ATRN: variants seen among roughly 807,000 people sequenced by gnomAD.
The protein encoded by ATRN is attractin-2.
ATRN carries 54 observed loss-of-function variants against 178.7 expected under a neutral mutation model. That is an observed-to-expected ratio of 0.30 (90% CI 0.24 to 0.38). ATRN has a LOEUF of 0.38. Ranked by LOEUF, ATRN falls within the 10% of genes least tolerant of loss-of-function variation. The pLI is 1.00. For missense variants in ATRN, 1,443 were observed against 1,815.1 expected, an observed-to-expected ratio of 0.79 and a Z score of 3.73; for synonymous variants, 636 against 663.0, an observed-to-expected ratio of 0.96 and a Z score of 0.63.
intron 6 of ATRN, among the ~76,000 whole-genome samples, chr20:3,555,148 C>G (rs2670304): frequency 6.6e-6 from 1 of 151,852 alleles, no homozygotes; most frequent in African/African-American, 2.4e-5. Context: ...ACTACAGGCG[C>G]CCGCCACCTC....
At chr20:3,573,551 G>C (rs1201568821) in intron 12 of ATRN, among the ~76,000 whole-genome samples, 1 of 151,964 alleles carries the variant, frequency 6.6e-6, no homozygotes, top group Non-Finnish European at 1.5e-5. Flanking sequence ...TTTTTGTCTA[G>C]CGTCTCTAGT....
intron 14 of ATRN, among the ~76,000 whole-genome samples, chr20:3,577,250 A>G (rs1039373891): frequency 1.3e-5 from 2 of 152,182 alleles, no homozygotes; most frequent in Non-Finnish European, 2.9e-5. Flanking sequence ...TTGGTTCTGT[A>G]TCACTGAGCC....
At chr20:3,611,110 T>C (rs770257778) in intron 24 of ATRN, among the ~76,000 whole-genome samples, 1 of 152,118 alleles carries the variant, frequency 6.6e-6, no homozygotes, top group Non-Finnish European at 1.5e-5. Context: ...GGAGAAAATC[T>C]TTGAATCCCA....
At position 3,607,465 on chromosome 20, in the gene ATRN, G is replaced by A. The variant is rs1219682362; in HGVS notation, c.3801+3203G>A. 3.4e-5 allele frequency among the ~76,000 whole-genome samples: 5 copies of A among 146,684 alleles called. 1 individual carries two copies. The highest frequency in any genetic ancestry group is 6.2e-5 in the Non-Finnish European group (4 of 64,694). ...TTTTTTAGCTCCCACATCTGAGTGAGAAAACATATCTATCTTTCTGTGCCT... is the reference window on the plus strand; with the variant it reads ...TTTTTTAGCTCCCACATCTGAGTGAAAAAACATATCTATCTTTCTGTGCCT... On this transcript the variant is annotated intron_variant, in intron 24 of 28. Coordinates refer to ENST00000262919, the MANE Select transcript of ATRN (RefSeq NM_139321.3).
At chr20:3,497,953 A>T (rs1388375753) in intron 1 of ATRN, among the ~76,000 whole-genome samples, 2 of 152,072 alleles carry the variant, frequency 1.3e-5, no homozygotes, top group East Asian at 4.0e-4. Context: ...ACTAATAAAG[A>T]AAAAAAGAAG....
At chr20:3,575,073 C>T (rs916152411) in intron 12 of ATRN, among the ~76,000 whole-genome samples, 3 of 152,006 alleles carry the variant, frequency 2.0e-5, no homozygotes, top group African/African-American at 7.3e-5. Flanking sequence ...AAGCAGTTCT[C>T]CTGCCTCAGC....
At chr20:3,508,024 A>G (rs938172464) in intron 1 of ATRN, among the ~76,000 whole-genome samples, 29 of 151,870 alleles carry the variant, frequency 1.9e-4, no homozygotes, top group Non-Finnish European at 7.4e-5. Context: ...TCTTAAAGCA[A>G]CCAGTGGATT....
intron 1 of ATRN, among the ~76,000 whole-genome samples, chr20:3,480,826 T>G (rs1179991731): frequency 1.3e-5 from 2 of 152,222 alleles, no homozygotes; most frequent in Non-Finnish European, 2.9e-5. Context: ...TTAATACATT[T>G]GTAGGTTATT....
intron 1 of ATRN, among the ~76,000 whole-genome samples, chr20:3,512,143 C>T (rs1234005836): frequency 7.5e-6 from 1 of 132,780 alleles, no homozygotes; most frequent in East Asian, 2.1e-4. Context: ...TTCTAGGGTA[C>T]ATGTGCACAA....
At chr20:3,624,166 G>A (rs1181467765) in intron 24 of ATRN, among the ~76,000 whole-genome samples, 1 of 152,210 alleles carries the variant, frequency 6.6e-6, no homozygotes, top group Non-Finnish European at 1.5e-5. Context: ...TTGGTACTGA[G>A]GCAAACAAGG....
intron 24 of ATRN, among the ~76,000 whole-genome samples, chr20:3,614,477 G>A (rs990399557): frequency 1.3e-5 from 2 of 152,198 alleles, no homozygotes; most frequent in Non-Finnish European, 2.9e-5. Flanking sequence ...TAAGAGGCCA[G>A]TGTTCACAAG....
intron 1 of ATRN, among the ~76,000 whole-genome samples, chr20:3,519,983 C>T (rs2085268205): frequency 6.6e-6 from 1 of 152,112 alleles, no homozygotes; most frequent in South Asian, 2.1e-4. Flanking sequence ...CTCAAGTATC[C>T]TATTTGAGGC....
chr20:3,539,667 A>G (rs771700705), intron 2 of ATRN, among the ~76,000 whole-genome samples: 17 of 152,064 alleles, frequency 1.1e-4, no homozygotes, highest in Non-Finnish European at 1.8e-4. Context: ...AGCAGAGACC[A>G]TTGCTGGAAC....
At chr20:3,609,259 T>C (rs1270380319) in intron 24 of ATRN, among the ~76,000 whole-genome samples, 1 of 152,228 alleles carries the variant, frequency 6.6e-6, no homozygotes, top group Non-Finnish European at 1.5e-5. Context: ...GTTAGATTTA[T>C]TCCTACGGTT....
intron 1 of ATRN, among the ~76,000 whole-genome samples, chr20:3,533,531 C>T (rs2146176259): frequency 6.6e-6 from 1 of 152,204 alleles, no homozygotes; most frequent in East Asian, 1.9e-4. Context: ...TTTTCTTTTC[C>T]TCCTTCCTGC....
chr20:3,568,775 A>G (rs1387763046), intron 11 of ATRN, among the ~76,000 whole-genome samples: 1 of 152,202 alleles, frequency 6.6e-6, no homozygotes, highest in Non-Finnish European at 1.5e-5. Flanking sequence ...ACTTTAACTC[A>G]TGCCTGAACA....
At chr20:3,581,691 G>A (rs137957061) in intron 15 of ATRN, among the ~76,000 whole-genome samples, 1 of 152,156 alleles carries the variant, frequency 6.6e-6, no homozygotes, top group South Asian at 2.1e-4. Flanking sequence ...GGGATACTCA[G>A]CCTGTGTTTG....
At chr20:3,555,914 G>A (rs925662372) in intron 6 of ATRN, among the ~76,000 whole-genome samples, 3 of 152,186 alleles carry the variant, frequency 2.0e-5, no homozygotes, top group African/African-American at 7.2e-5. Context: ...TGGAGGAAAA[G>A]CAGCTTCAAG....
At chr20:3,547,653 C>T (rs1272145271) in intron 5 of ATRN, among the ~76,000 whole-genome samples, 164 bp downstream of exon 5, 4 of 152,048 alleles carry the variant, frequency 2.6e-5, no homozygotes, top group Non-Finnish European at 4.4e-5. Flanking sequence ...TTATGAATTT[C>T]GGTTTCATAC....
Sources: allele counts gnomAD v4.1 joint callset (sites outside exome capture counted in the v4.1 genomes callset), GRCh38; gene constraint gnomAD v4.1.1; transcripts MANE v1.5; gene names NCBI Gene and HGNC (gene_info 2026-07-23, HGNC 2026-07-21).